The following DNAJB6 variants were observed in gnomAD, a reference collection of about 807,000 sequenced individuals.
The protein encoded by DNAJB6 is dnaJ homolog subfamily B member 6.
In DNAJB6, 16 loss-of-function variants were observed where a neutral mutation model predicts 42.7. That is an observed-to-expected ratio of 0.37 (90% confidence interval 0.25 to 0.57). DNAJB6 has a LOEUF of 0.57. Among genes scored for constraint, DNAJB6 ranks in the 20% least tolerant of loss-of-function variants. The pLI is 0.74. For synonymous variants in DNAJB6, 170 were observed against 163.5 expected, an observed-to-expected ratio of 1.04 and a Z score of -0.30; for missense variants, 347 against 416.8, an observed-to-expected ratio of 0.83 and a Z score of 1.46.
At chr7:157,382,003 T>A (rs187354732) in intron 5 of DNAJB6, 336 of 342,200 alleles carry the variant, frequency 9.8e-4, no homozygotes, top group African/African-American at 5.5e-3. Flanking sequence ...GCTGTTTTTT[T>A]AATTAAGTCT....
chr7:157,395,158 T>A (rs1001496595), intron 8 of DNAJB6, among the ~76,000 whole-genome samples: 3 of 151,806 alleles, frequency 2.0e-5, no homozygotes, highest in African/African-American at 7.3e-5. Context: ...GTCTTCCCCA[T>A]CCGGTATTAC....
intron 8 of DNAJB6, 133 bp from the exon 9 acceptor site, chr7:157,409,662 C>T (rs1795899326): frequency 3.9e-6 from 4 of 1,024,216 alleles, no homozygotes; most frequent in Non-Finnish European, 5.5e-6. Context: ...AAGGAGATAA[C>T]CTCTTTCTCC....
intron 8 of DNAJB6, among the ~76,000 whole-genome samples, chr7:157,404,563 T>G (rs1328048008): frequency 6.8e-6 from 1 of 146,464 alleles, no homozygotes; most frequent in Non-Finnish European, 1.5e-5. Flanking sequence ...CAGCCTGGAG[T>G]GCAGTGGTGC....
At position 157,339,601 on chromosome 7, in the gene DNAJB6, T is replaced by TTGTG. The variant is rs59577692; in HGVS notation, c.-27+2500_-27+2503dup. On this transcript the variant is annotated intron_variant, in intron 1 of 9. Coordinates refer to ENST00000262177, the MANE Select transcript of DNAJB6 (RefSeq NM_058246.4). ...GGCATGAGCCACCGCGCCCGGCCTTTTGTGTGTGTGTGTGTGTGTGTGTGT... is the reference window on the plus strand; with the variant it reads ...GGCATGAGCCACCGCGCCCGGCCTTTTGTGTGTGTGTGTGTGTGTGTGTGTGTGT... Among the ~76,000 whole-genome samples, 943 of 122,386 alleles carry TTGTG rather than the reference T, an allele frequency of 7.7e-3. 6 individuals carry two copies. Among genetic ancestry groups the TTGTG allele is most frequent in the South Asian group, 0.015 (52 of 3,568 alleles). 80.3% of individuals were successfully genotyped at this position (122,386 alleles called of 152,430 possible).
chr7:157,397,775 C>T (rs1282004444), intron 8 of DNAJB6, among the ~76,000 whole-genome samples: 1 of 152,330 alleles, frequency 6.6e-6, no homozygotes, highest in Non-Finnish European at 1.5e-5. Context: ...CTCTCGACCT[C>T]TGCCCTTCAT....
At chr7:157,401,296 G>T (rs144758196) in intron 8 of DNAJB6, among the ~76,000 whole-genome samples, 1 of 152,132 alleles carries the variant, frequency 6.6e-6, no homozygotes, top group Non-Finnish European at 1.5e-5. Flanking sequence ...TTGGTTCACC[G>T]CTACCTCCAC....
chr7:157,370,157 C>CCCCTTCTTAACATTATTATTAAATGGGA (rs1800116676), intron 5 of DNAJB6, among the ~76,000 whole-genome samples: 1 of 140,470 alleles, frequency 7.1e-6, no homozygotes, highest in Admixed American at 7.0e-5. Context: ...ATTAAACGGG[C>CCCCTTCTTAACATTATTATTAAATGGGA]CCCTTCTTAA....
At chr7:157,350,675 G>C (rs1044044832) in intron 1 of DNAJB6, among the ~76,000 whole-genome samples, 11 of 149,930 alleles carry the variant, frequency 7.3e-5, no homozygotes, top group African/African-American at 2.2e-4. Flanking sequence ...GAAGTACTTG[G>C]AGACAACAAC....
chr7:157,353,175 G>A lies in DNAJB6; in HGVS notation c.-26-5372G>A, dbSNP rs535328996. ...ACTGCTGGGCTCATGCAGTTTGTCC[G>A]CCTCGGGCTCCTAAAGTGTTGAGAT... On this transcript the variant is annotated intron_variant, in intron 1 of 9. Transcript: ENST00000262177. Among the ~76,000 whole-genome samples the A allele has an allele frequency of 1.2e-3, 180 of 150,604 alleles. 1 individual carries two copies. Among genetic ancestry groups the A allele is most frequent in the African/African-American group, 3.9e-3 (160 of 41,380 alleles).
intron 8 of DNAJB6, among the ~76,000 whole-genome samples, chr7:157,404,438 T>C (rs1176670381): frequency 1.3e-5 from 2 of 148,740 alleles, no homozygotes; most frequent in African/African-American, 5.0e-5. Context: ...ACTGTAGGCG[T>C]GCAACAGCGC....
chr7:157,346,605 A>T (rs560591485), intron 1 of DNAJB6, among the ~76,000 whole-genome samples: 1 of 152,194 alleles, frequency 6.6e-6, no homozygotes, highest in Admixed American at 6.5e-5. Context: ...AAATACTTCT[A>T]TAGGGAAATA....
At chr7:157,339,193 G>C (rs1025601311) in intron 1 of DNAJB6, among the ~76,000 whole-genome samples, 1 of 149,670 alleles carries the variant, frequency 6.7e-6, no homozygotes, top group African/African-American at 2.5e-5. Context: ...ACTCTGTTTT[G>C]GACAGTGGTA....
At chr7:157,365,187 T>C (rs985545189) in intron 3 of DNAJB6, among the ~76,000 whole-genome samples, 7 of 152,264 alleles carry the variant, frequency 4.6e-5, no homozygotes, top group Non-Finnish European at 7.3e-5. Context: ...CTCCTGGGCT[T>C]AAGTGATCCA....
Position 157,357,252 on chromosome 7 carries a change from TTCCTTCCTTCCG to T in DNAJB6, c.-26-1259_-26-1248del, listed in dbSNP as rs1404472904. Among the ~76,000 whole-genome samples the T allele has an allele frequency of 3.5e-3, 233 of 66,148 alleles. 31 individuals carry two copies. The highest frequency in any genetic ancestry group is 8.6e-3 in the South Asian group (16 of 1,854). 43.4% of individuals were successfully genotyped at this position (66,148 alleles called of 152,430 possible). On this transcript the variant is annotated intron_variant, in intron 1 of 9. Transcript: ENST00000262177. ...CTTCCTTCCTTCCTTCCTTCCTTCC[TTCCTTCCTTCCG>T]TCCTTCCTTCCGTCCTTCCTTCCGT...
Position 157,366,562 on chromosome 7 carries a change from G to GT in DNAJB6, c.235+2dup, listed in dbSNP as rs1799855298. 1 of 1,613,534 alleles carries GT rather than the reference G, an allele frequency of 6.2e-7. No homozygotes were observed. Among genetic ancestry groups the GT allele is most frequent in the Admixed American group, 1.7e-5 (1 of 59,980 alleles). On this transcript the variant is annotated splice_donor_variant, in intron 4 of 9. Coordinates refer to ENST00000262177, the MANE Select transcript of DNAJB6 (RefSeq NM_058246.4). LOFTEE classifies it high-confidence loss of function. ...GAAGGATTAAATGGTGGAGGAGGAG[G>GT]TAAGTACGTGAGTTTTTTCTTTGAA...
intron 8 of DNAJB6, among the ~76,000 whole-genome samples, chr7:157,399,886 C>T (rs1801767352): frequency 6.6e-6 from 1 of 152,180 alleles, no homozygotes; most frequent in Admixed American, 6.5e-5. Context: ...CCAGGCTGAT[C>T]TCAAAATCCT....
intron 5 of DNAJB6, 142 bp downstream of exon 5, chr7:157,367,625 C>G: frequency 1.7e-6 from 1 of 595,912 alleles, no homozygotes; most frequent in South Asian, 1.9e-5. Flanking sequence ...CTTTGGGAGC[C>G]TGAGGCGGGC....
chr7:157,407,695 G>A (rs1795822864), intron 8 of DNAJB6, among the ~76,000 whole-genome samples: 1 of 152,134 alleles, frequency 6.6e-6, no homozygotes, highest in Admixed American at 6.5e-5. Flanking sequence ...GCCTGCAGAT[G>A]CTTCTCGACG....
At chr7:157,355,999 C>A (rs1352599944) in intron 1 of DNAJB6, among the ~76,000 whole-genome samples, 1 of 152,244 alleles carries the variant, frequency 6.6e-6, no homozygotes, top group African/African-American at 2.4e-5. Flanking sequence ...ACCATATGCA[C>A]AAACACAGGC....
Sources: gnomAD v4.1 joint callset for allele counts (sites outside exome capture counted in the v4.1 genomes callset) on GRCh38, gnomAD v4.1.1 for gene constraint, MANE v1.5 for transcripts, NCBI Gene and HGNC (gene_info 2026-07-23, HGNC 2026-07-21) for gene names.